UBASH3A: variants seen among roughly 807,000 people sequenced by gnomAD.
The protein encoded by UBASH3A is ubiquitin-associated and SH3 domain-containing protein A.
In UBASH3A, 63 loss-of-function variants were observed where a neutral mutation model predicts 73.5. The ratio of observed to expected loss-of-function variants is 0.86; its 90% confidence interval spans 0.70 to 1.06. The LOEUF is 1.06. UBASH3A is among the 50% of genes least tolerant of loss of function. UBASH3A has a pLI of 0.00. For missense variants in UBASH3A, 860 were observed against 859.0 expected, an observed-to-expected ratio of 1.00 and a Z score of -0.02; for synonymous variants, 363 against 351.1, an observed-to-expected ratio of 1.03 and a Z score of -0.38.
At chr21:42,426,587 T>C in intron 7 of UBASH3A, 110 bp from the exon 8 acceptor site, 1 of 1,314,580 alleles carries the variant, frequency 7.6e-7, no homozygotes, top group Non-Finnish European at 1.1e-6. Flanking sequence ...GGAACCTTTC[T>C]GCTGAGGTTG....
intron 1 of UBASH3A, 32 bp from the exon 2 acceptor site, chr21:42,406,276 G>A (rs367598749): frequency 1.6e-5 from 26 of 1,605,462 alleles, no homozygotes; most frequent in Non-Finnish European, 2.0e-5. Context: ...AATGGGCGAC[G>A]TGACTTTGTG....
chr21:42,409,972 G>A (rs146840453), intron 3 of UBASH3A: 32 of 665,022 alleles, frequency 4.8e-5, no homozygotes, highest in African/African-American at 4.4e-4. Context: ...CTCAAGGGAA[G>A]GCAGATACCT....
At chr21:42,429,655 G>A (rs1039856291) in intron 8 of UBASH3A, among the ~76,000 whole-genome samples, 8 of 152,036 alleles carry the variant, frequency 5.3e-5, no homozygotes, top group South Asian at 4.1e-4. Context: ...GGATAGGGGC[G>A]GTGGGTGCTG....
intron 5 of UBASH3A, among the ~76,000 whole-genome samples, chr21:42,414,168 G>C (rs2053157523): frequency 6.6e-6 from 1 of 152,166 alleles, no homozygotes; most frequent in Non-Finnish European, 1.5e-5. Context: ...AGGCCGCAGT[G>C]CCTTGGTGGG....
chr21:42,439,347 G>A (rs1020510100), intron 11 of UBASH3A, among the ~76,000 whole-genome samples: 1 of 152,076 alleles, frequency 6.6e-6, no homozygotes, highest in African/African-American at 2.4e-5. Flanking sequence ...CCCAACTGTG[G>A]CACAGGACCC....
intron 11 of UBASH3A, among the ~76,000 whole-genome samples, chr21:42,438,414 G>T (rs1257111246): frequency 6.6e-6 from 1 of 152,160 alleles, no homozygotes; most frequent in South Asian, 2.1e-4. Context: ...AGGCAGAGGG[G>T]CCCAGGACAT....
chr21:42,425,694 G>T (rs1174096106), intron 7 of UBASH3A, among the ~76,000 whole-genome samples: 1 of 151,994 alleles, frequency 6.6e-6, no homozygotes, highest in Non-Finnish European at 1.5e-5. Flanking sequence ...CATGTGTAAC[G>T]CAGATGCTGA....
At chr21:42,404,126 G>A (rs143788285) in intron 1 of UBASH3A, 68 bp downstream of exon 1, 34 of 908,660 alleles carry the variant, frequency 3.7e-5, no homozygotes, top group African/African-American at 2.6e-4. Flanking sequence ...TGCGGCCCCC[G>A]GCATGGAGCT....
intron 2 of UBASH3A, among the ~76,000 whole-genome samples, chr21:42,407,522 A>C (rs2053002216): frequency 6.6e-6 from 1 of 152,238 alleles, no homozygotes; most frequent in Non-Finnish European, 1.5e-5. Context: ...CCACCAAAAA[A>C]TAGGGAGGCA....
intron 10 of UBASH3A, among the ~76,000 whole-genome samples, chr21:42,436,512 T>C (rs2053630060): frequency 6.6e-6 from 1 of 152,216 alleles, no homozygotes; most frequent in Non-Finnish European, 1.5e-5. Context: ...AAGGGCACTG[T>C]CACACTGGAT....
intron 1 of UBASH3A, among the ~76,000 whole-genome samples, chr21:42,405,729 C>A (rs775562324): frequency 1.3e-5 from 2 of 152,160 alleles, no homozygotes; most frequent in Non-Finnish European, 2.9e-5. Context: ...GTACTTACGT[C>A]CCGGGTTACC....
intron 10 of UBASH3A, among the ~76,000 whole-genome samples, chr21:42,435,850 GAGTT>G (rs1158539926): frequency 1.1e-4 from 16 of 151,904 alleles, no homozygotes; most frequent in Non-Finnish European, 2.1e-4. Flanking sequence ...TAGAGTTATA[GAGTT>G]AGTTATAGAG....
intron 7 of UBASH3A, among the ~76,000 whole-genome samples, chr21:42,420,105 A>G (rs927574235): frequency 1.3e-5 from 2 of 152,168 alleles, no homozygotes; most frequent in Non-Finnish European, 2.9e-5. Flanking sequence ...AGAACCAGTC[A>G]CTTTCATACA....
intron 10 of UBASH3A, among the ~76,000 whole-genome samples, chr21:42,435,998 G>C (rs890490372): frequency 1.1e-4 from 16 of 152,026 alleles, no homozygotes; most frequent in Middle Eastern, 3.5e-3. Context: ...TAGAGTTATA[G>C]AGTCATAGAG....
intron 7 of UBASH3A, among the ~76,000 whole-genome samples, chr21:42,420,027 A>G (rs2053305395): frequency 6.6e-6 from 1 of 152,200 alleles, no homozygotes. Context: ...GTTGAAGAAC[A>G]TCCACTGTTT....
intron 7 of UBASH3A, among the ~76,000 whole-genome samples, chr21:42,423,243 G>A (rs866741960): frequency 4.6e-5 from 7 of 151,584 alleles, no homozygotes; most frequent in Middle Eastern, 3.4e-3. Context: ...GCAGACCAGC[G>A]GTTCAGGAGA....
intron 5 of UBASH3A, among the ~76,000 whole-genome samples, chr21:42,414,585 G>T (rs1455039921): frequency 6.6e-6 from 1 of 152,162 alleles, no homozygotes; most frequent in Non-Finnish European, 1.5e-5. Flanking sequence ...GTTGGGAGGA[G>T]GTCACACTGC....
intron 14 of UBASH3A, 78 bp from the exon 15 acceptor site, chr21:42,446,979 A>G (rs2053853970): frequency 6.6e-7 from 1 of 1,507,212 alleles, no homozygotes; most frequent in Non-Finnish European, 9.0e-7. Flanking sequence ...GGTGTGCCTG[A>G]CAGTTGGCTT....
intron 1 of UBASH3A, among the ~76,000 whole-genome samples, chr21:42,405,929 G>A (rs1013764012): frequency 6.7e-6 from 1 of 149,702 alleles, no homozygotes; most frequent in Non-Finnish European, 1.5e-5. Flanking sequence ...TGAGGAAAGC[G>A]TGTGTCCGAG....
Sources: gnomAD v4.1 joint callset for allele counts (sites outside exome capture counted in the v4.1 genomes callset) on GRCh38, gnomAD v4.1.1 for gene constraint, MANE v1.5 for transcripts, NCBI Gene and HGNC (gene_info 2026-07-23, HGNC 2026-07-21) for gene names.